MEIS1: variants seen among roughly 807,000 people sequenced by gnomAD.
The protein encoded by MEIS1 is Meis homeobox 1.
MEIS1 carries 5 observed loss-of-function variants against 50.8 expected under a neutral mutation model. That is an observed-to-expected ratio of 0.10 (90% confidence interval 0.05 to 0.21). The LOEUF (loss-of-function observed/expected upper bound fraction) is 0.21. MEIS1 is among the 10% of genes least tolerant of loss of function. The probability of loss-of-function intolerance (pLI) is 1.00; values close to 1 mark genes in which losing one functional copy is unlikely to be tolerated. For missense variants in MEIS1, 318 were observed against 517.3 expected (o/e 0.61, Z 3.74); for synonymous variants, 176 against 179.3 (o/e 0.98, Z 0.15).
chr2:66,566,215 C>T (rs535296057), intron 9 of MEIS1, among the ~76,000 whole-genome samples: 1 of 152,260 alleles, frequency 6.6e-6, no homozygotes, highest in African/African-American at 2.4e-5. Flanking sequence ...AATTACTTCT[C>T]AGATAATGAA....
At chr2:66,530,577 G>C (rs182588061) in intron 8 of MEIS1, among the ~76,000 whole-genome samples, 2 of 152,130 alleles carry the variant, frequency 1.3e-5, no homozygotes, top group Non-Finnish European at 1.5e-5. Context: ...TTAGCCGGGC[G>C]TGGTGGCAGG....
intron 7 of MEIS1, among the ~76,000 whole-genome samples, chr2:66,497,074 C>T (rs547684309): frequency 3.9e-5 from 6 of 152,228 alleles, no homozygotes; most frequent in African/African-American, 1.2e-4. Context: ...TATGAACTCA[C>T]TTTATGGGTC....
intron 6 of MEIS1, among the ~76,000 whole-genome samples, chr2:66,450,735 T>C (rs576341586): frequency 1.3e-5 from 2 of 152,316 alleles, no homozygotes; most frequent in African/African-American, 4.8e-5. Flanking sequence ...GACAACATTC[T>C]AGTATCAATA....
chr2:66,470,768 G>A (rs188717412), intron 7 of MEIS1, among the ~76,000 whole-genome samples: 1 of 152,240 alleles, frequency 6.6e-6, no homozygotes, highest in Admixed American at 6.5e-5. Flanking sequence ...GAACACAGAA[G>A]TATTTATCTG....
chr2:66,485,009 A>G (rs960487459), intron 7 of MEIS1, among the ~76,000 whole-genome samples: 2 of 152,110 alleles, frequency 1.3e-5, no homozygotes, highest in Non-Finnish European at 2.9e-5. Context: ...GGGAAGTTTT[A>G]TGTAACTTAC....
chr2:66,555,765 C>T (rs971048169), intron 9 of MEIS1, among the ~76,000 whole-genome samples: 2 of 152,176 alleles, frequency 1.3e-5, no homozygotes, highest in Non-Finnish European at 2.9e-5. Context: ...CATCATCTGG[C>T]TTCAGGCTGT....
chr2:66,522,696 G>A (rs6724747), intron 8 of MEIS1, among the ~76,000 whole-genome samples: 35,333 of 152,190 alleles, frequency 0.23, 5,118 homozygotes, highest in Non-Finnish European at 0.33. Flanking sequence ...ATTAGATGAA[G>A]CCAGGGCTTC....
At chr2:66,550,013 A>AATTAGG (rs1473681961) in intron 9 of MEIS1, among the ~76,000 whole-genome samples, 1 of 152,172 alleles carries the variant, frequency 6.6e-6, no homozygotes, top group Non-Finnish European at 1.5e-5. Flanking sequence ...CCATGATCAC[A>AATTAGG]ATTCGACTTT....
At chr2:66,487,950 A>G (rs1365909644) in intron 7 of MEIS1, among the ~76,000 whole-genome samples, 1 of 152,238 alleles carries the variant, frequency 6.6e-6, no homozygotes, top group Non-Finnish European at 1.5e-5. Flanking sequence ...TGAATCTAGG[A>G]CTTAGCGTCA....
rs1488010117 is a variant in MEIS1 at position 66,553,101 on chromosome 2, A to T, written c.965+5082A>T. On this transcript the variant is annotated intron_variant, in intron 9 of 12. Coordinates refer to ENST00000272369, the MANE Select transcript of MEIS1 (RefSeq NM_002398.3). Reference sequence around the variant, plus strand: ...CTCTGGGTCACTTGTTTGCTATTCAACTACAAAATTAAAGTGTGGGCTGTA... The same window carrying T: ...CTCTGGGTCACTTGTTTGCTATTCATCTACAAAATTAAAGTGTGGGCTGTA... Among the ~76,000 whole-genome samples the T allele has an allele frequency of 2.0e-5, 3 of 152,210 alleles. No individual in the cohort carries two copies. In the East Asian group the frequency reaches 5.8e-4, roughly 29 times the overall value.
intron 10 of MEIS1, chr2:66,568,444 C>T (rs1218754028): frequency 2.4e-6 from 1 of 424,674 alleles, no homozygotes; most frequent in Admixed American, 3.8e-5. Context: ...AGAAAGTTTC[C>T]ACACCTTAAC....
intron 7 of MEIS1, among the ~76,000 whole-genome samples, chr2:66,477,235 C>T (rs1289921452): frequency 6.6e-6 from 1 of 152,062 alleles, no homozygotes; most frequent in Non-Finnish European, 1.5e-5. Flanking sequence ...TTTACTTAGG[C>T]AGAGGGAGGA....
At chr2:66,569,185 G>T in intron 12 of MEIS1, 40 bp downstream of exon 12, 5 of 1,544,010 alleles carry the variant, frequency 3.2e-6, no homozygotes, top group Non-Finnish European at 1.8e-6. Context: ...TTTGTCCTAG[G>T]AATATTTTTC....
intron 6 of MEIS1, among the ~76,000 whole-genome samples, chr2:66,446,140 G>T (rs898946483): frequency 1.3e-5 from 2 of 152,170 alleles, no homozygotes; most frequent in African/African-American, 2.4e-5. Flanking sequence ...ATGATGCTAG[G>T]CGTCGAGGCG....
intron 8 of MEIS1, among the ~76,000 whole-genome samples, chr2:66,529,539 C>T (rs1452694002): frequency 6.6e-6 from 1 of 152,162 alleles, no homozygotes; most frequent in Non-Finnish European, 1.5e-5. Flanking sequence ...CAGGTTAAAG[C>T]AATCCTCCTG....
At chr2:66,515,272 G>C (rs773344358) in intron 8 of MEIS1, among the ~76,000 whole-genome samples, 28 of 152,138 alleles carry the variant, frequency 1.8e-4, no homozygotes, top group Non-Finnish European at 3.4e-4. Flanking sequence ...CCTTTTAAAA[G>C]CAAATTGCTA....
chr2:66,447,950 A>G (rs530603726), intron 6 of MEIS1, among the ~76,000 whole-genome samples: 2 of 152,288 alleles, frequency 1.3e-5, no homozygotes, highest in African/African-American at 4.8e-5. Flanking sequence ...AACAGTAACT[A>G]TTGTTCAGTG....
chr2:66,524,078 G>A (rs1396932991), intron 8 of MEIS1, among the ~76,000 whole-genome samples: 1 of 152,184 alleles, frequency 6.6e-6, no homozygotes, highest in Non-Finnish European at 1.5e-5. Context: ...TGAGGTTAAA[G>A]TTATTATCCT....
intron 5 of MEIS1, 47 bp from the exon 6 acceptor site, chr2:66,442,855 T>C: frequency 6.6e-7 from 1 of 1,521,442 alleles, no homozygotes; most frequent in Non-Finnish European, 8.8e-7. Context: ...ATGTCATTTA[T>C]GCACTCCTGA....
Sources: gnomAD v4.1 joint callset for allele counts (sites outside exome capture counted in the v4.1 genomes callset) on GRCh38, gnomAD v4.1.1 for gene constraint, MANE v1.5 for transcripts, NCBI Gene and HGNC (gene_info 2026-07-23, HGNC 2026-07-21) for gene names.